The following RAB38 variants were observed in gnomAD, a reference collection of about 807,000 sequenced individuals.
The protein encoded by RAB38 is ras-related protein Rab-38.
A neutral mutation model predicts 18.4 loss-of-function variants in RAB38; 15 were observed. That is an observed-to-expected ratio of 0.82 (90% CI 0.55 to 1.26). The LOEUF (loss-of-function observed/expected upper bound fraction) is 1.26, where lower values mean the gene tolerates loss of function less well. Among genes scored for constraint, RAB38 ranks in the 50% most tolerant of loss-of-function variants. The pLI is 0.00. For synonymous variants in RAB38, 101 were observed against 104.4 expected, an observed-to-expected ratio of 0.97 and a Z score of 0.20; for missense variants, 294 against 267.4, an observed-to-expected ratio of 1.10 and a Z score of -0.69.
chr11:87,862,792 A>G, the RAB38 span, among the ~76,000 whole-genome samples: 3 of 151,904 alleles, frequency 2.0e-5, no homozygotes, highest in Non-Finnish European at 2.9e-5. Context: ...TTTAAAAAAG[A>G]TAGACTAAAT....
the RAB38 span, chr11:87,817,268 T>A: frequency 6.6e-6 from 1 of 152,138 alleles, no homozygotes; most frequent in Admixed American, 6.5e-5. Context: ...GAAAGACTCC[T>A]GAAGGATTTA....
chr11:88,110,281 C>G (rs1425669876), downstream of RAB38, among the ~76,000 whole-genome samples: 2 of 151,938 alleles, frequency 1.3e-5, no homozygotes, highest in Non-Finnish European at 2.9e-5. Flanking sequence ...AAAACCAAAC[C>G]AAACACTGCA....
the RAB38 span, among the ~76,000 whole-genome samples, chr11:87,808,826 AATAC>A: frequency 2.0e-5 from 3 of 152,146 alleles, 1 homozygote; most frequent in South Asian, 4.1e-4. Flanking sequence ...AAAATACAAA[AATAC>A]ATATATCAGG....
the RAB38 span, among the ~76,000 whole-genome samples, chr11:87,862,795 G>A: frequency 6.6e-6 from 1 of 151,748 alleles, no homozygotes; most frequent in Non-Finnish European, 1.5e-5. Flanking sequence ...AAAAAAGATA[G>A]ACTAAATGGC....
the RAB38 span, among the ~76,000 whole-genome samples, chr11:88,071,985 T>C: frequency 6.6e-6 from 1 of 152,174 alleles, no homozygotes; most frequent in Non-Finnish European, 1.5e-5. Flanking sequence ...ATAAGTACAA[T>C]TTACCTACAA....
chr11:87,918,811 T>G, the RAB38 span, among the ~76,000 whole-genome samples: 1 of 152,132 alleles, frequency 6.6e-6, no homozygotes, highest in African/African-American at 2.4e-5. Context: ...TTACTTCCAT[T>G]CCATAGGTTG....
At chr11:87,976,363 A>C in the RAB38 span, among the ~76,000 whole-genome samples, 1 of 142,090 alleles carries the variant, frequency 7.0e-6, no homozygotes, top group Non-Finnish European at 1.5e-5. Flanking sequence ...TAAATATAAA[A>C]AATATATACA....
chr11:87,834,873 T>C, the RAB38 span, among the ~76,000 whole-genome samples: 2 of 152,160 alleles, frequency 1.3e-5, no homozygotes, highest in African/African-American at 2.4e-5. Flanking sequence ...ATTTGATAAA[T>C]GCCCAATAAA....
chr11:87,813,636 A>C, the RAB38 span, among the ~76,000 whole-genome samples: 2 of 152,120 alleles, frequency 1.3e-5, no homozygotes, highest in Admixed American at 1.3e-4. Flanking sequence ...ATCTAACCCC[A>C]GTTTGGGTCT....
At chr11:88,036,008 A>T in the RAB38 span, among the ~76,000 whole-genome samples, 14 of 152,268 alleles carry the variant, frequency 9.2e-5, no homozygotes, top group Admixed American at 8.5e-4. Flanking sequence ...AAATTAAATT[A>T]AAATTAAAAT....
At chr11:87,879,368 G>A in the RAB38 span, 1 of 151,586 alleles carries the variant, frequency 6.6e-6, no homozygotes, top group Admixed American at 6.6e-5. Flanking sequence ...TTCAACATGT[G>A]GGGCATGGGG....
chr11:87,856,386 A>T, the RAB38 span, among the ~76,000 whole-genome samples: 1 of 152,200 alleles, frequency 6.6e-6, no homozygotes, highest in Admixed American at 6.5e-5. Flanking sequence ...TCTCTGAGTA[A>T]CTGTGTGGAG....
the RAB38 span, among the ~76,000 whole-genome samples, chr11:87,966,599 T>C: frequency 1.3e-4 from 20 of 152,154 alleles, no homozygotes; most frequent in Admixed American, 5.2e-4. Flanking sequence ...AAATCAATAA[T>C]GCTAAAATTA....
chr11:88,079,474 A>G, the RAB38 span, among the ~76,000 whole-genome samples: 1 of 151,870 alleles, frequency 6.6e-6, no homozygotes, highest in East Asian at 1.9e-4. Flanking sequence ...CTTACTAGCA[A>G]ATTACACCAA....
At chr11:87,918,861 G>C in the RAB38 span, among the ~76,000 whole-genome samples, 42 of 151,870 alleles carry the variant, frequency 2.8e-4, no homozygotes, top group East Asian at 8.0e-3. Flanking sequence ...CTGTGCAAGA[G>C]CTTTTGAGTT....
chr11:88,026,907 A>T, the RAB38 span, among the ~76,000 whole-genome samples: 1 of 152,184 alleles, frequency 6.6e-6, no homozygotes, highest in African/African-American at 2.4e-5. Context: ...AAAGCTGGCA[A>T]ATCTAAATTG....
the RAB38 span, among the ~76,000 whole-genome samples, chr11:88,084,849 T>C: frequency 1.1e-4 from 16 of 152,048 alleles, no homozygotes; most frequent in Middle Eastern, 0.017. Flanking sequence ...TGGAACATAA[T>C]AGCACTGAAT....
chr11:87,921,103 C>T, the RAB38 span, among the ~76,000 whole-genome samples: 6 of 152,112 alleles, frequency 3.9e-5, no homozygotes, highest in South Asian at 1.0e-3. Flanking sequence ...ATAGGGAACC[C>T]ATTCCTGTGA....
At chr11:87,971,924 T>G in the RAB38 span, among the ~76,000 whole-genome samples, 8 of 48,446 alleles carry the variant, frequency 1.7e-4, no homozygotes, top group Non-Finnish European at 2.7e-4. Context: ...GTAAAAGCGT[T>G]TTTTTTTTTT....
Sources: allele counts gnomAD v4.1 joint callset (sites outside exome capture counted in the v4.1 genomes callset), GRCh38; gene constraint gnomAD v4.1.1; transcripts MANE v1.5; gene names NCBI Gene and HGNC (gene_info 2026-07-23, HGNC 2026-07-21).